Variants in RBM22 observed in about 807,000 individuals in gnomAD.
RBM22 encodes the protein pre-mRNA-splicing factor RBM22.
Under a neutral mutation model 50.1 loss-of-function variants are expected in RBM22, and 1 was observed. The ratio of observed to expected loss-of-function variants is 0.02; its 90% CI spans 0.01 to 0.09. RBM22 has a LOEUF of 0.09. RBM22 is among the 10% of genes least tolerant of loss of function. The pLI is 1.00. For synonymous variants in RBM22, 152 were observed against 179.0 expected (o/e 0.85, Z 1.20); for missense variants, 264 against 529.3 (o/e 0.50, Z 4.92).
chr5:150,699,118 A>G, intron 3 of RBM22, 124 bp downstream of exon 3: 1 of 1,300,260 alleles, frequency 7.7e-7, no homozygotes, highest in East Asian at 2.7e-5. Context: ...TATCAGTAAT[A>G]CATAAAAAGT....
chr5:150,696,476 ACTT>A lies in RBM22; in HGVS notation c.545+54_545+56del, dbSNP rs1210109656. 24 of 1,534,264 alleles carry A rather than the reference ACTT, an allele frequency of 1.6e-5. No individual in the cohort carries two copies. Among genetic ancestry groups the A allele is most frequent in the Non-Finnish European group, 2.1e-5 (24 of 1,123,166 alleles). The stretch of plus-strand genomic sequence containing the variant: ...GAAACAGTTTAAGTTAGGACCTCCC[ACTT>A]CTTAGATGAGAAATCATCTGAAAGC... On this transcript the variant is annotated intron_variant, in intron 6 of 10. Coordinates refer to ENST00000199814, the MANE Select transcript of RBM22 (RefSeq NM_018047.3). This position sits in a 1 kb window ranked among gnomAD's most constrained non-coding sequence, Gnocchi z 4.3.
Position 150,695,630 on chromosome 5 carries a change from G to GATC in RBM22, c.619_621dup (p.Asp207dup). The stretch of plus-strand genomic sequence containing the variant: ...CGCTTTAGAAGCTTGTCAGCTACAG[G>GATC]ATCATTGATTCCGTAATAACGGTCT... On this transcript the variant is annotated inframe_insertion, in exon 7 of 11. Coordinates refer to ENST00000199814, the MANE Select transcript of RBM22 (RefSeq NM_018047.3). 1 of 1,612,734 alleles carries GATC rather than the reference G, an allele frequency of 6.2e-7. No homozygotes were observed. The highest frequency in any genetic ancestry group is 8.5e-7 in the Non-Finnish European group (1 of 1,179,254).
chr5:150,692,075 A>G (rs1759216468), intron 10 of RBM22, among the ~76,000 whole-genome samples, 194 bp from the exon 11 acceptor site: 1 of 152,190 alleles, frequency 6.6e-6, no homozygotes, highest in Non-Finnish European at 1.5e-5. Flanking sequence ...CACAGTCCAA[A>G]AAACTCCACA....
At chr5:150,693,405 C>T in intron 8 of RBM22, 98 bp from the exon 9 acceptor site, 1 of 905,752 alleles carries the variant, frequency 1.1e-6, no homozygotes, top group Non-Finnish European at 1.8e-6. Flanking sequence ...CTTCGCTCTA[C>T]CTCCTCCTCA....
rs760431016 is a variant in RBM22 at position 150,696,902 on chromosome 5, A to G, written c.272-11T>C. On this transcript the variant is annotated splice_polypyrimidine_tract_variant and intron_variant, in intron 4 of 10. Transcript: ENST00000199814. This position sits in a 1 kb window ranked among gnomAD's most constrained non-coding sequence, Gnocchi z 4.3. ...CCTGGATGGGCAGGCCTGGTACAAA[A>G]AAAGAGGAAAAAGACCTCAGATGTA... The G allele has an allele frequency of 1.3e-5, 21 of 1,610,716 alleles. No individual in the cohort carries two copies. In the African/African-American group the frequency reaches 2.8e-4, roughly 21 times the overall value.
intron 6 of RBM22, among the ~76,000 whole-genome samples, 187 bp from the exon 7 acceptor site, chr5:150,695,893 C>T (rs942209558): frequency 5.4e-5 from 8 of 148,492 alleles, no homozygotes; most frequent in South Asian, 2.2e-4. Context: ...TACTGTATCA[C>T]GGAAGGAATT....
In RBM22 at chr5:150,701,016, C is replaced by G. The variant is rs1223599368; in HGVS notation, c.-31G>C. 6.2e-7 allele frequency: 1 copy of G among 1,613,926 alleles called. No individual in the cohort carries two copies. The highest frequency in any genetic ancestry group is 8.5e-7 in the Non-Finnish European group (1 of 1,179,860). On this transcript the variant is annotated 5_prime_UTR_variant, in exon 1 of 11. Coordinates refer to ENST00000199814, the MANE Select transcript of RBM22 (RefSeq NM_018047.3). The stretch of plus-strand genomic sequence containing the variant: ...GAGCGTCCGGAGGTAGCTGTAGCTT[C>G]CGAATTGGGAGAGAGGACCGCCACA...
chr5:150,694,430 G>A, intron 7 of RBM22, 190 bp from the exon 8 acceptor site: 2 of 851,602 alleles, frequency 2.3e-6, no homozygotes, highest in Non-Finnish European at 3.3e-6. Context: ...GAGAAGGAAA[G>A]AAAAATAATG....
chr5:150,696,216 C>G lies in RBM22; in HGVS notation c.545+317G>C, dbSNP rs1403574025. On this transcript the variant is annotated intron_variant, in intron 6 of 10. Coordinates refer to ENST00000199814, the MANE Select transcript of RBM22 (RefSeq NM_018047.3). This position sits in a 1 kb window ranked among gnomAD's most constrained non-coding sequence, Gnocchi z 4.3. ...CATACACACCCTTTAGAAGTCTGAC[C>G]TTACTTTGACTTCAACTATACATTG... Among the ~76,000 whole-genome samples, 2 of 151,982 alleles carry G rather than the reference C, an allele frequency of 1.3e-5. No individual in the cohort carries two copies. Among genetic ancestry groups the G allele is most frequent in the Non-Finnish European group, 2.9e-5 (2 of 68,016 alleles).
Position 150,691,662 on chromosome 5 carries a change from C to T in RBM22, c.*89G>A, listed in dbSNP as rs546431416. The T allele has an allele frequency of 4.4e-6, 6 of 1,365,412 alleles. No homozygotes were observed. In the African/African-American group the frequency reaches 8.8e-5, roughly 20 times the overall value. 84.6% of individuals were successfully genotyped at this position (1,365,412 alleles called of 1,614,324 possible). ...GCACATTCAGCTACCATGGAAACTA[C>T]AAGGGAAGGAAAAATATATTTATTC... On this transcript the variant is annotated 3_prime_UTR_variant, in exon 11 of 11. Transcript: ENST00000199814.
Position 150,694,352 on chromosome 5 carries a change from G to A in RBM22, c.747-112C>T. 3.5e-6 allele frequency: 5 copies of A among 1,435,172 alleles called. No homozygotes were observed. The South Asian group carries it at 4.6e-5, about 13-fold the overall frequency. 88.9% of individuals were successfully genotyped at this position (1,435,172 alleles called of 1,614,324 possible). A position where few individuals can be genotyped will look rare whatever the true frequency, so the allele number is the denominator to read the frequency against. ...ACACCACTAGGCAGGTGGGCCCCAA[G>A]GTTATCTGCCTAACTACCCGCAGGT... On this transcript the variant is annotated intron_variant, in intron 7 of 10. Transcript: ENST00000199814.
rs1561678383 is a variant in RBM22, at chr5:150,695,404, A to C, written c.746+102T>G. 3 of 1,063,914 alleles carry C rather than the reference A, an allele frequency of 2.8e-6. No homozygotes were observed. The East Asian group carries it at 7.1e-5, about 25-fold the overall frequency. 65.9% of individuals were successfully genotyped at this position (1,063,914 alleles called of 1,614,324 possible). A position where few individuals can be genotyped will look rare whatever the true frequency, so the allele number is the denominator to read the frequency against. On this transcript the variant is annotated intron_variant, in intron 7 of 10. Transcript: ENST00000199814. Reference sequence around the variant, plus strand: ...ATACTAACAATAGAGAGACTACAGAAAAATGTATTTTGTACAGAATGATCA... The same window carrying C: ...ATACTAACAATAGAGAGACTACAGACAAATGTATTTTGTACAGAATGATCA...
rs1759243839 is a variant in RBM22 at position 150,694,140 on chromosome 5, C to T, written c.847G>A (p.Ala283Thr). 1 of 1,614,110 alleles carries T rather than the reference C, an allele frequency of 6.2e-7. No homozygotes were observed. Among genetic ancestry groups the T allele is most frequent in the Admixed American group, 1.7e-5 (1 of 60,010 alleles). ...QFATRQAAEV[A>T]AEKSFNKLIV... ...AACTTATTAAAGGACTTCTCAGCAG[C>T]CACTTCTGCAGCCTGCCGTGTGGCA... Residue 283 changes from alanine to threonine, a missense_variant, in exon 8 of 11, where the codon GCT (alanine) becomes ACT (threonine). By Grantham distance (58) the Ala-to-Thr change is moderately conservative. Transcript: ENST00000199814.
intron 1 of RBM22, 83 bp downstream of exon 1, chr5:150,700,849 C>T (rs746630729): frequency 1.2e-6 from 2 of 1,612,974 alleles, no homozygotes; most frequent in East Asian, 2.2e-5. Context: ...TTCCTTCGGC[C>T]GCGCCGCAGG....
intron 9 of RBM22, 39 bp from the exon 10 acceptor site, chr5:150,693,065 C>A: frequency 6.3e-7 from 1 of 1,580,842 alleles, no homozygotes; most frequent in South Asian, 1.2e-5. Flanking sequence ...GAGGGGAGAA[C>A]AATTGTGCAA....
At chr5:150,692,728 C>CA (rs1486374137) in intron 10 of RBM22, among the ~76,000 whole-genome samples, 167 bp downstream of exon 10, 1 of 152,150 alleles carries the variant, frequency 6.6e-6, no homozygotes, top group African/African-American at 2.4e-5. Flanking sequence ...TTCTCCTCGG[C>CA]AGAGCAGGAG....
intron 10 of RBM22, among the ~76,000 whole-genome samples, chr5:150,692,313 T>C (rs1162274534): frequency 1.3e-5 from 2 of 152,202 alleles, no homozygotes; most frequent in African/African-American, 4.8e-5. Context: ...ACTGGCTACC[T>C]GTGATTTCCT....
chr5:150,692,609 A>C (rs900630799), intron 10 of RBM22, among the ~76,000 whole-genome samples: 1 of 152,152 alleles, frequency 6.6e-6, no homozygotes, highest in African/African-American at 2.4e-5. Context: ...TAGGGCATCC[A>C]TTAGCATTTA....
chr5:150,694,224 A>T lies in RBM22; in HGVS notation c.763T>A (p.Phe255Ile). 6.2e-7 allele frequency: 1 copy of T among 1,611,474 alleles called. No homozygotes were observed. The stretch of plus-strand genomic sequence containing the variant: ...ACAGTGATCGTCCGGATCTCTCCGA[A>T]CTGGTAGAAATGATTTCTGAAGGGA... ...ETDLRNHFYQ[F>I]GEIRTITVVQ... Residue 255 changes from phenylalanine to isoleucine, a missense_variant, in exon 8 of 11, where the codon TTC (phenylalanine) becomes ATC (isoleucine). Physicochemically the swap from Phe to Ile is conservative, Grantham distance 21. Around this residue, in one of 7 missense-constraint regions of RBM22, gnomAD observed 62 missense variants for 102.6 expected, o/e 0.60. Coordinates refer to ENST00000199814, the MANE Select transcript of RBM22 (RefSeq NM_018047.3).
Sources: allele counts gnomAD v4.1 joint callset (sites outside exome capture counted in the v4.1 genomes callset), GRCh38; gene constraint gnomAD v4.1.1; regional missense constraint gnomAD v4.1.1; non-coding constraint Gnocchi (gnomAD v3.1); transcripts MANE v1.5; gene names NCBI Gene and HGNC (gene_info 2026-07-23, HGNC 2026-07-21).